The following CDK14 variants were observed in gnomAD, a reference collection of about 807,000 sequenced individuals.
CDK14 encodes cyclin-dependent kinase 14.
CDK14 carries 34 observed loss-of-function variants against 60.7 expected under a neutral mutation model. The observed-to-expected ratio is 0.56, with a 90% CI of 0.43 to 0.75. The LOEUF (loss-of-function observed/expected upper bound fraction) is 0.75. Among genes scored for constraint, CDK14 ranks in the 30% least tolerant of loss-of-function variants. The pLI, the probability that CDK14 is intolerant of heterozygous loss-of-function variation, is 0.00. For missense variants in CDK14, 482 were observed against 564.1 expected, an observed-to-expected ratio of 0.85 and a Z score of 1.47; for synonymous variants, 197 against 203.7, an observed-to-expected ratio of 0.97 and a Z score of 0.28.
intron 14 of CDK14, among the ~76,000 whole-genome samples, chr7:91,168,771 G>A (rs1011345086): frequency 3.3e-5 from 5 of 151,944 alleles, no homozygotes; most frequent in Admixed American, 6.6e-5. Context: ...TTTTATTAAC[G>A]GGTTTTGAGA....
At chr7:90,619,030 T>C (rs1025978298) in intron 2 of CDK14, among the ~76,000 whole-genome samples, 4 of 152,200 alleles carry the variant, frequency 2.6e-5, no homozygotes, top group African/African-American at 9.7e-5. Context: ...TTGCCAGCCC[T>C]TCCCACTGTT....
chr7:90,995,149 G>T (rs1795647274), intron 10 of CDK14, among the ~76,000 whole-genome samples: 2 of 152,160 alleles, frequency 1.3e-5, no homozygotes, highest in Admixed American at 6.5e-5. Flanking sequence ...TCACTTCTGA[G>T]ACTAGGTGAC....
chr7:90,603,887 T>C (rs1799366429), intron 1 of CDK14, among the ~76,000 whole-genome samples: 1 of 152,244 alleles, frequency 6.6e-6, no homozygotes, highest in African/African-American at 2.4e-5. Flanking sequence ...GAAATTTCTT[T>C]AAGATTACTT....
chr7:90,703,581 CT>C (rs1801834406), intron 2 of CDK14, among the ~76,000 whole-genome samples: 1 of 152,104 alleles, frequency 6.6e-6, no homozygotes, highest in South Asian at 2.1e-4. Flanking sequence ...AGACACAAGT[CT>C]TTTGAAACAA....
chr7:90,649,236 G>GTTTCTTTCTTTCTTTC (rs1167505193), intron 2 of CDK14, among the ~76,000 whole-genome samples: 6 of 118,858 alleles, frequency 5.0e-5, no homozygotes, highest in South Asian at 3.0e-4. Context: ...CTAGCCTATA[G>GTTTCTTTCTTTCTTTC]TTTCTTTCTT....
intron 6 of CDK14, among the ~76,000 whole-genome samples, chr7:90,873,884 C>T (rs572076631): frequency 2.0e-5 from 3 of 152,236 alleles, no homozygotes; most frequent in Admixed American, 1.3e-4. Context: ...GCCACCCTCC[C>T]AGTCTCCCAT....
intron 5 of CDK14, among the ~76,000 whole-genome samples, chr7:90,809,761 G>C (rs1312925177): frequency 2.6e-5 from 4 of 152,214 alleles, no homozygotes; most frequent in East Asian, 3.9e-4. Flanking sequence ...GAATCAAATA[G>C]AAGCAATAAA....
chr7:90,909,585 T>A (rs1049146989), intron 7 of CDK14, among the ~76,000 whole-genome samples: 4 of 151,986 alleles, frequency 2.6e-5, no homozygotes, highest in Non-Finnish European at 5.9e-5. Context: ...TAGCTCTAGA[T>A]CCCATGGCTT....
chr7:90,728,532 C>A (rs1369863278), intron 3 of CDK14, among the ~76,000 whole-genome samples: 1 of 151,660 alleles, frequency 6.6e-6, no homozygotes, highest in Non-Finnish European at 1.5e-5. Flanking sequence ...AAAAAGTATC[C>A]TGTTCTATTT....
intron 12 of CDK14, among the ~76,000 whole-genome samples, chr7:91,081,972 A>G (rs1295126293): frequency 6.6e-6 from 1 of 152,146 alleles, no homozygotes; most frequent in East Asian, 1.9e-4. Context: ...TTCCTCCATA[A>G]AGGGGATTGT....
intron 4 of CDK14, among the ~76,000 whole-genome samples, chr7:90,757,722 C>T (rs934392073): frequency 6.6e-6 from 1 of 151,886 alleles, no homozygotes; most frequent in Non-Finnish European, 1.5e-5. Context: ...TGCCTCAGCA[C>T]CCCCGAGTAG....
At chr7:91,089,115 G>C (rs1159522934) in intron 12 of CDK14, among the ~76,000 whole-genome samples, 1 of 152,070 alleles carries the variant, frequency 6.6e-6, no homozygotes, top group Non-Finnish European at 1.5e-5. Context: ...TAAATGCTTT[G>C]GCTTTTATTT....
chr7:91,124,058 TA>T (rs1240802248), intron 14 of CDK14, among the ~76,000 whole-genome samples: 1 of 152,120 alleles, frequency 6.6e-6, no homozygotes, highest in African/African-American at 2.4e-5. Context: ...GGATCATTTT[TA>T]AATTTTTTTG....
chr7:91,030,866 C>A (rs555875090), intron 10 of CDK14, among the ~76,000 whole-genome samples: 2 of 152,342 alleles, frequency 1.3e-5, no homozygotes, highest in East Asian at 3.9e-4. Flanking sequence ...CCAGCCTGTT[C>A]CCTCCCTTGG....
chr7:90,920,453 T>A (rs966013071), intron 8 of CDK14, among the ~76,000 whole-genome samples: 3 of 152,202 alleles, frequency 2.0e-5, no homozygotes, highest in African/African-American at 7.2e-5. Context: ...AAATTCTTGC[T>A]TCATTGTCTC....
At chr7:90,917,391 T>C (rs1298126398) in intron 7 of CDK14, among the ~76,000 whole-genome samples, 2 of 152,168 alleles carry the variant, frequency 1.3e-5, no homozygotes, top group Non-Finnish European at 2.9e-5. Flanking sequence ...CGGGTTGATA[T>C]AATAGGTTGT....
intron 14 of CDK14, among the ~76,000 whole-genome samples, chr7:91,126,811 C>T: frequency 6.6e-6 from 1 of 152,180 alleles, no homozygotes; most frequent in East Asian, 1.9e-4. Flanking sequence ...TGCCTACTCC[C>T]TCATTCTCTC....
chr7:90,775,754 C>A (rs1396882551), intron 4 of CDK14, among the ~76,000 whole-genome samples: 1 of 124,232 alleles, frequency 8.0e-6, no homozygotes, highest in Admixed American at 9.1e-5. Context: ...TCTCCTCTTC[C>A]TCCTCCTCTT....
intron 2 of CDK14, among the ~76,000 whole-genome samples, chr7:90,638,678 G>T (rs1174086873): frequency 2.0e-5 from 3 of 152,150 alleles, no homozygotes; most frequent in African/African-American, 4.8e-5. Context: ...ACGTTGGCCT[G>T]CCTTGCTAGA....
Sources: allele counts gnomAD v4.1 joint callset (sites outside exome capture counted in the v4.1 genomes callset), GRCh38; gene constraint gnomAD v4.1.1; transcripts MANE v1.5; gene names NCBI Gene and HGNC (gene_info 2026-07-23, HGNC 2026-07-21).